The following SLC10A6 variants were observed in gnomAD, a reference collection of about 807,000 sequenced individuals.
SLC10A6 encodes solute carrier family 10 member 6.
In SLC10A6, 27 loss-of-function variants were observed where a neutral mutation model predicts 30.0. That is an observed-to-expected ratio of 0.90 (90% CI 0.66 to 1.24). The LOEUF is 1.24. Among genes scored for constraint, SLC10A6 ranks in the 50% most tolerant of loss-of-function variants. The probability of loss-of-function intolerance (pLI) is 0.00; values close to 1 mark genes in which losing one functional copy is unlikely to be tolerated. For synonymous variants in SLC10A6, 166 were observed against 173.8 expected, an observed-to-expected ratio of 0.95 and a Z score of 0.36; for missense variants, 439 against 457.0, an observed-to-expected ratio of 0.96 and a Z score of 0.36.
In SLC10A6 at chr4:86,835,749, G is replaced by A. The variant is rs777649737; in HGVS notation, c.378-2325C>T. Among the ~76,000 whole-genome samples, 21 of 126,868 alleles carry A rather than the reference G, an allele frequency of 1.7e-4. 1 individual carries two copies. The highest frequency in any genetic ancestry group is 7.6e-3 in the Middle Eastern group (2 of 264). The allele number at this position is 126,868 out of a possible 152,430, so 83.2% of individuals were successfully genotyped here. A position where few individuals can be genotyped will look rare whatever the true frequency, so the allele number is the denominator to read the frequency against. On this transcript the variant is annotated intron_variant, in intron 1 of 5. Coordinates refer to ENST00000273905, the MANE Select transcript of SLC10A6 (RefSeq NM_197965.3). ...AGGAGAAGAAAGAAAGAAAGAAAGA[G>A]AGAGAGAGAGAGAAAGAAAAGAAAA...
intron 1 of SLC10A6, among the ~76,000 whole-genome samples, chr4:86,836,882 T>C (rs1205464740): frequency 2.6e-5 from 4 of 151,830 alleles, no homozygotes. Context: ...CTCAGCCTCC[T>C]GAGTAGCTGG....
intron 1 of SLC10A6, among the ~76,000 whole-genome samples, chr4:86,841,074 A>G (rs1415147089): frequency 6.6e-6 from 1 of 152,178 alleles, no homozygotes; most frequent in Non-Finnish European, 1.5e-5. Context: ...TTGACTCTCC[A>G]TATTACTAAG....
At chr4:86,836,083 A>G (rs1310634636) in intron 1 of SLC10A6, among the ~76,000 whole-genome samples, 2 of 152,208 alleles carry the variant, frequency 1.3e-5, no homozygotes, top group Non-Finnish European at 1.5e-5. Flanking sequence ...GCCATGCTAC[A>G]TAGCTTTACC....
chr4:86,846,147 A>G (rs1360469930), intron 1 of SLC10A6, among the ~76,000 whole-genome samples: 3 of 152,244 alleles, frequency 2.0e-5, no homozygotes, highest in African/African-American at 7.2e-5. Context: ...TTGGTATTCA[A>G]TTATGAAGAA....
At chr4:86,844,950 A>G (rs1355020212) in intron 1 of SLC10A6, among the ~76,000 whole-genome samples, 1 of 152,162 alleles carries the variant, frequency 6.6e-6, no homozygotes, top group Admixed American at 6.5e-5. Context: ...GCATGGGGGA[A>G]ATCAACCCCA....
At chr4:86,848,634 A>C in intron 1 of SLC10A6, 105 bp downstream of exon 1, 1 of 1,375,074 alleles carries the variant, frequency 7.3e-7, no homozygotes. Flanking sequence ...ATTTCCCACT[A>C]GAATCTCTAC....
intron 2 of SLC10A6, among the ~76,000 whole-genome samples, chr4:86,832,680 T>C (rs1014716078): frequency 5.3e-5 from 8 of 152,172 alleles, no homozygotes; most frequent in African/African-American, 1.9e-4. Flanking sequence ...ACATTTCTCT[T>C]CTAAGCTTGC....
intron 4 of SLC10A6, among the ~76,000 whole-genome samples, chr4:86,825,796 A>C (rs2149410196): frequency 6.6e-6 from 1 of 152,348 alleles, no homozygotes; most frequent in East Asian, 1.9e-4. Context: ...TCTGAGTAAA[A>C]AGACAAGATA....
intron 1 of SLC10A6, 53 bp from the exon 2 acceptor site, chr4:86,833,477 T>G: frequency 7.0e-7 from 1 of 1,430,930 alleles, no homozygotes; most frequent in South Asian, 1.2e-5. Context: ...CATGAAGAAT[T>G]TAGTCTTTAC....
At position 86,848,961 on chromosome 4, in the gene SLC10A6, G is replaced by A; in HGVS notation, c.155C>T (p.Ser52Phe). The A allele has an allele frequency of 6.2e-7, 1 of 1,614,112 alleles. No homozygotes were observed. Among genetic ancestry groups the A allele is most frequent in the Non-Finnish European group, 8.5e-7 (1 of 1,180,024 alleles). Residue 52 changes from serine to phenylalanine, a missense_variant, in exon 1 of 6, where the codon TCC becomes TTC. By Grantham distance (155) the Ser-to-Phe change is radical. Coordinates refer to ENST00000273905, the MANE Select transcript of SLC10A6 (RefSeq NM_197965.3). ...MGLLMFSLGC[S>F]VEIRKLWSHI... ...CGACCACAGCTTCCGGATCTCCACG[G>A]AACATCCCAAAGAGAACATGAGCAG...
chr4:86,837,711 G>T (rs1198202910), intron 1 of SLC10A6: 1 of 758,612 alleles, frequency 1.3e-6, no homozygotes, highest in African/African-American at 1.9e-5. Flanking sequence ...TTAGGGGAAA[G>T]AAAATAAATG....
Position 86,849,062 on chromosome 4 carries a change from C to G in SLC10A6, c.54G>C (p.Glu18Asp). The change falls in exon 1 of 6, where the codon GAG becomes GAC. Residue 18 changes from glutamate (E) to aspartate (D), a missense_variant. Coordinates refer to ENST00000273905, the MANE Select transcript of SLC10A6 (RefSeq NM_197965.3). ...SSACPANSSE[E>D]ELPVGLEVHG... Reference sequence around the variant, plus strand: ...GCACCTCCAGTCCCACTGGCAGCTCCTCCTCTGAACTGTTGGCAGGGCAGG... The same window carrying G: ...GCACCTCCAGTCCCACTGGCAGCTCGTCCTCTGAACTGTTGGCAGGGCAGG... 2 of 1,614,200 alleles carry G rather than the reference C, an allele frequency of 1.2e-6. No individual in the cohort carries two copies. The highest frequency in any genetic ancestry group is 8.5e-7 in the Non-Finnish European group (1 of 1,180,030).
chr4:86,845,468 T>C (rs1746377617), intron 1 of SLC10A6, among the ~76,000 whole-genome samples: 1 of 152,208 alleles, frequency 6.6e-6, no homozygotes, highest in Non-Finnish European at 1.5e-5. Context: ...ATGTATAACA[T>C]GTTCGTTTTC....
chr4:86,842,697 C>CA lies in SLC10A6; in HGVS notation c.377+6041dup, dbSNP rs560403282. On this transcript the variant is annotated intron_variant, in intron 1 of 5. Transcript: ENST00000273905. ...GATGACAGAGTCTAAGACCCTGTCT[C>CA]AAAAAAAAAAAAAAGAAAAGAAAAG... is the stretch of plus-strand genomic sequence containing the variant. Among the ~76,000 whole-genome samples, 260 of 59,734 alleles carry CA rather than the reference C, an allele frequency of 4.4e-3. 17 individuals are homozygous for CA. Among genetic ancestry groups the CA allele is most frequent in the East Asian group, 8.0e-3 (26 of 3,268 alleles). The allele number at this position is 59,734 out of a possible 152,430, so 39.2% of individuals were successfully genotyped here.
At chr4:86,842,505 CAT>C (rs1312618763) in intron 1 of SLC10A6, among the ~76,000 whole-genome samples, 1 of 152,122 alleles carries the variant, frequency 6.6e-6, no homozygotes, top group African/African-American at 2.4e-5. Context: ...GCCTGGGCAA[CAT>C]AGTGAGACCT....
intron 1 of SLC10A6, among the ~76,000 whole-genome samples, chr4:86,842,569 A>G (rs946294294): frequency 6.6e-6 from 1 of 152,084 alleles, no homozygotes; most frequent in African/African-American, 2.4e-5. Context: ...GCGCATGCCT[A>G]TAGTCCCAGC....
intron 1 of SLC10A6, among the ~76,000 whole-genome samples, chr4:86,841,228 A>G (rs1560461436): frequency 6.6e-6 from 1 of 152,160 alleles, no homozygotes; most frequent in Non-Finnish European, 1.5e-5. Flanking sequence ...TTTATATCCG[A>G]CTGATTCTAT....
At chr4:86,829,782 A>G (rs1413951373) in intron 3 of SLC10A6, among the ~76,000 whole-genome samples, 1 of 152,040 alleles carries the variant, frequency 6.6e-6, no homozygotes, top group Non-Finnish European at 1.5e-5. Context: ...ATTTATGCAT[A>G]TTATTAAATG....
At chr4:86,831,908 G>GT (rs1262721514) in intron 2 of SLC10A6, 28 bp from the exon 3 acceptor site, 5 of 1,577,990 alleles carry the variant, frequency 3.2e-6, no homozygotes, top group Non-Finnish European at 4.3e-6. Context: ...CCATGAGAGG[G>GT]TTTTCCCTCT....
Sources: gnomAD v4.1 joint callset for allele counts (sites outside exome capture counted in the v4.1 genomes callset) on GRCh38, gnomAD v4.1.1 for gene constraint, MANE v1.5 for transcripts, NCBI Gene and HGNC (gene_info 2026-07-23, HGNC 2026-07-21) for gene names.